The following SLC25A21 variants were observed in gnomAD, a reference collection of about 807,000 sequenced individuals.
SLC25A21 encodes solute carrier family 25 member 21, also known as mitochondrial 2-oxodicarboxylate carrier.
Under a neutral mutation model 43.8 loss-of-function variants are expected in SLC25A21, and 47 were observed. The observed-to-expected ratio is 1.07, with a 90% CI of 0.85 to 1.37. The LOEUF (loss-of-function observed/expected upper bound fraction) is 1.37, where lower values mean the gene tolerates loss of function less well. Ranked by LOEUF, SLC25A21 falls within the 40% of genes most tolerant of loss-of-function variation. SLC25A21 has a pLI of 0.00. For synonymous variants in SLC25A21, 131 were observed against 121.3 expected, an observed-to-expected ratio of 1.08 and a Z score of -0.52; for missense variants, 352 against 350.2, an observed-to-expected ratio of 1.00 and a Z score of -0.04.
At chr14:37,088,648 C>T (rs886821685) in intron 1 of SLC25A21, among the ~76,000 whole-genome samples, 11 of 152,162 alleles carry the variant, frequency 7.2e-5, no homozygotes, top group African/African-American at 2.7e-4. Flanking sequence ...TCTTTAAAGC[C>T]AGCAGGCTCA....
At chr14:36,744,079 G>A (rs1223361663) in intron 3 of SLC25A21, among the ~76,000 whole-genome samples, 1 of 152,028 alleles carries the variant, frequency 6.6e-6, no homozygotes, top group Non-Finnish European at 1.5e-5. Context: ...CTCATCTACT[G>A]GAAGAATCAA....
intron 3 of SLC25A21, among the ~76,000 whole-genome samples, chr14:36,744,877 T>C (rs1210900848): frequency 6.6e-6 from 1 of 151,828 alleles, no homozygotes; most frequent in African/African-American, 2.4e-5. Context: ...TTTTTTATTA[T>C]AGTTTAAGTT....
In SLC25A21 at chr14:36,685,025, C is replaced by G. The variant is rs1594485473; in HGVS notation, c.604-100G>C. On this transcript the variant is annotated intron_variant, in intron 7 of 9. Transcript: ENST00000331299. ...ATGTATTTAAGCAGAGCATTGCACT[C>G]CCGGCACCCTCCTGTTATTCCAGCG... 16 of 813,406 alleles carry G rather than the reference C, an allele frequency of 2.0e-5. No homozygotes were observed. In the East Asian group the frequency reaches 4.5e-4, roughly 23 times the overall value. The allele number at this position is 813,406 out of a possible 1,614,324, so 50.4% of individuals were successfully genotyped here. A position where few individuals can be genotyped will look rare whatever the true frequency, so the allele number is the denominator to read the frequency against.
chr14:36,863,254 A>G (rs1224540632), intron 2 of SLC25A21, among the ~76,000 whole-genome samples: 2 of 152,210 alleles, frequency 1.3e-5, no homozygotes, highest in East Asian at 3.8e-4. Context: ...AAGGCTTTGC[A>G]GTTAAGCAGG....
At chr14:36,901,975 G>A (rs981250716) in intron 1 of SLC25A21, among the ~76,000 whole-genome samples, 2 of 152,132 alleles carry the variant, frequency 1.3e-5, no homozygotes, top group Non-Finnish European at 2.9e-5. Flanking sequence ...CATTTAACAA[G>A]AGGTTTACAT....
intron 3 of SLC25A21, among the ~76,000 whole-genome samples, chr14:36,761,630 C>T (rs1260758095): frequency 6.6e-6 from 1 of 152,226 alleles, no homozygotes; most frequent in African/African-American, 2.4e-5. Flanking sequence ...TGAATTATTA[C>T]ACTGGTCTCT....
intron 3 of SLC25A21, among the ~76,000 whole-genome samples, chr14:36,796,461 G>T (rs1887677340): frequency 6.7e-6 from 1 of 149,678 alleles, no homozygotes; most frequent in African/African-American, 2.5e-5. Context: ...AAACAGAGTT[G>T]AACATTTTAA....
intron 3 of SLC25A21, among the ~76,000 whole-genome samples, chr14:36,776,226 C>CTTTATTTTTT: frequency 2.1e-5 from 1 of 48,138 alleles, no homozygotes; most frequent in African/African-American, 6.1e-5. Flanking sequence ...TTTTCTTTTT[C>CTTTATTTTTT]TTTCTTTCTT....
At chr14:36,899,309 C>T (rs908546256) in intron 1 of SLC25A21, among the ~76,000 whole-genome samples, 6 of 152,044 alleles carry the variant, frequency 3.9e-5, no homozygotes, top group African/African-American at 1.4e-4. Context: ...AACATCAAAA[C>T]ACAACATTCT....
At position 36,776,230 on chromosome 14, in the gene SLC25A21, C is replaced by CTTTTTTTTTTTTTTTTTTT. The variant is rs1328087696; in HGVS notation, c.203+37687_203+37688insAAAAAAAAAAAAAAAAAAA. ...ACTGCTTTCTTTTTTCTTTTTCTTTCTTTCTTTCTTTTTTTTTTTTTTTTG... is the reference window on the plus strand; with the variant it reads ...ACTGCTTTCTTTTTTCTTTTTCTTTCTTTTTTTTTTTTTTTTTTTTTTCTTTCTTTTTTTTTTTTTTTTG... On this transcript the variant is annotated intron_variant, in intron 3 of 9. Coordinates refer to ENST00000331299, the MANE Select transcript of SLC25A21 (RefSeq NM_030631.4). Among the ~76,000 whole-genome samples the CTTTTTTTTTTTTTTTTTTT allele has an allele frequency of 8.9e-4, 63 of 70,796 alleles. 12 individuals are homozygous for CTTTTTTTTTTTTTTTTTTT. The highest frequency in any genetic ancestry group is 1.3e-3 in the South Asian group (3 of 2,278). 46.4% of individuals were successfully genotyped at this position (70,796 alleles called of 152,430 possible).
At chr14:37,079,573 G>T (rs11848141) in intron 1 of SLC25A21, among the ~76,000 whole-genome samples, 1,695 of 152,232 alleles carry the variant, frequency 0.011, 25 homozygotes, top group African/African-American at 0.039. Flanking sequence ...TGAACATGAT[G>T]CTCCAGGTTA....
intron 1 of SLC25A21, among the ~76,000 whole-genome samples, chr14:37,082,854 G>T (rs180694581): frequency 6.6e-6 from 1 of 152,290 alleles, no homozygotes; most frequent in Non-Finnish European, 1.5e-5. Context: ...TAATACTAAA[G>T]AAGGATATTT....
intron 2 of SLC25A21, among the ~76,000 whole-genome samples, chr14:36,815,889 C>T (rs74047011): frequency 0.057 from 8,650 of 152,132 alleles, 830 homozygotes; most frequent in African/African-American, 0.2. Context: ...ATTTTACCTG[C>T]TTTTTAAAAA....
At chr14:37,050,145 T>C (rs762445347) in intron 1 of SLC25A21, among the ~76,000 whole-genome samples, 2 of 152,226 alleles carry the variant, frequency 1.3e-5, no homozygotes, top group Non-Finnish European at 2.9e-5. Context: ...CTGCAGTACT[T>C]TGCCTTTAGT....
chr14:36,871,424 T>G (rs7160697), intron 2 of SLC25A21, among the ~76,000 whole-genome samples: 66,665 of 152,082 alleles, frequency 0.44, 16,044 homozygotes, highest in Non-Finnish European at 0.52. Flanking sequence ...CAGTTTATGA[T>G]ATTTTGTTAT....
chr14:37,112,972 A>G (rs1448008061), intron 1 of SLC25A21, among the ~76,000 whole-genome samples: 1 of 152,110 alleles, frequency 6.6e-6, no homozygotes, highest in Non-Finnish European at 1.5e-5. Flanking sequence ...CAAAAAAAAA[A>G]TCGGAATAGA....
intron 5 of SLC25A21, 92 bp downstream of exon 5, chr14:36,729,415 A>G: frequency 1.1e-6 from 1 of 945,412 alleles, no homozygotes; most frequent in South Asian, 1.8e-5. Flanking sequence ...ATATTTTAGT[A>G]GCTGGGCTTG....
intron 2 of SLC25A21, among the ~76,000 whole-genome samples, chr14:36,817,086 T>C (rs1029306610): frequency 6.6e-6 from 1 of 152,184 alleles, no homozygotes; most frequent in South Asian, 2.1e-4. Flanking sequence ...TCAGCAAATT[T>C]CTTTCTAGAT....
intron 1 of SLC25A21, among the ~76,000 whole-genome samples, chr14:36,942,458 G>C (rs530622078): frequency 1.3e-5 from 2 of 152,270 alleles, no homozygotes; most frequent in Admixed American, 1.3e-4. Context: ...TCTCAGGCAC[G>C]TTGGGAGAAC....
Sources: allele counts gnomAD v4.1 joint callset (sites outside exome capture counted in the v4.1 genomes callset), GRCh38; gene constraint gnomAD v4.1.1; transcripts MANE v1.5; gene names NCBI Gene and HGNC (gene_info 2026-07-23, HGNC 2026-07-21).